LYZL4: variants seen among roughly 807,000 people sequenced by gnomAD.
LYZL4 encodes lysozyme-like protein 4.
Under a neutral mutation model 17.6 loss-of-function variants are expected in LYZL4, and 13 were observed. The ratio of observed to expected loss-of-function variants is 0.74; its 90% CI spans 0.48 to 1.18. The LOEUF (loss-of-function observed/expected upper bound fraction) is 1.18. Ranked by LOEUF, LYZL4 falls within the 50% of genes most tolerant of loss-of-function variation. The pLI, the probability that LYZL4 is intolerant of heterozygous loss-of-function variation, is 0.00. For synonymous variants in LYZL4, 64 were observed against 67.7 expected (o/e 0.95, Z 0.27); for missense variants, 174 against 188.2 (o/e 0.92, Z 0.44).
the LYZL4 span, among the ~76,000 whole-genome samples, chr3:42,387,586 G>A: frequency 7.2e-5 from 11 of 151,864 alleles, no homozygotes; most frequent in South Asian, 2.1e-4. Context: ...CCTCATCGCC[G>A]TCCCTGCTCC....
At chr3:42,384,361 G>T in the LYZL4 span, among the ~76,000 whole-genome samples, 152 of 152,182 alleles carry the variant, frequency 1.0e-3, no homozygotes, top group Non-Finnish European at 1.7e-3. Context: ...AGAAAGAAGG[G>T]ATAGGCTCTG....
chr3:42,408,528 T>C (rs1384202944), intron 1 of LYZL4, among the ~76,000 whole-genome samples: 1 of 152,182 alleles, frequency 6.6e-6, no homozygotes, highest in Non-Finnish European at 1.5e-5. Context: ...CCATTTTCCC[T>C]CTGAGCCCCT....
intron 4 of LYZL4, among the ~76,000 whole-genome samples, chr3:42,402,098 C>G (rs576871439): frequency 1.4e-3 from 200 of 139,822 alleles, no homozygotes; most frequent in Admixed American, 3.3e-3. Flanking sequence ...TACATTGTGA[C>G]TAAGAACTTC....
At chr3:42,379,062 C>G in the LYZL4 span, among the ~76,000 whole-genome samples, 1 of 152,072 alleles carries the variant, frequency 6.6e-6, no homozygotes, top group Non-Finnish European at 1.5e-5. Context: ...TGCTGCATAA[C>G]AAGCCACTCC....
At chr3:42,380,700 A>G in the LYZL4 span, among the ~76,000 whole-genome samples, 1 of 152,234 alleles carries the variant, frequency 6.6e-6, no homozygotes, top group Admixed American at 6.5e-5. Flanking sequence ...CTAAAAGAAC[A>G]GACATCTACA....
chr3:42,391,216 A>G, the LYZL4 span, among the ~76,000 whole-genome samples: 2 of 152,252 alleles, frequency 1.3e-5, no homozygotes, highest in African/African-American at 2.4e-5. Flanking sequence ...AATGAAACAT[A>G]TAACAGGTAT....
At chr3:42,388,711 T>C in the LYZL4 span, among the ~76,000 whole-genome samples, 1 of 152,260 alleles carries the variant, frequency 6.6e-6, no homozygotes, top group African/African-American at 2.4e-5. Flanking sequence ...TTATTTTTAA[T>C]GAGTGTCTGC....
At chr3:42,390,543 C>CTT in the LYZL4 span, among the ~76,000 whole-genome samples, 2 of 129,088 alleles carry the variant, frequency 1.5e-5, no homozygotes, top group African/African-American at 6.5e-5. Context: ...GCAGGAGCAG[C>CTT]TATTTTTTTT....
the LYZL4 span, among the ~76,000 whole-genome samples, chr3:42,379,728 C>T: frequency 6.6e-6 from 1 of 152,178 alleles, no homozygotes; most frequent in Non-Finnish European, 1.5e-5. Context: ...CTCAAAAAGA[C>T]AATCAGATTG....
intron 1 of LYZL4, among the ~76,000 whole-genome samples, chr3:42,408,715 C>T (rs1334524086): frequency 6.6e-6 from 1 of 152,210 alleles, no homozygotes; most frequent in African/African-American, 2.4e-5. Flanking sequence ...ATTGCACCCT[C>T]CTGTTTGTCA....
At chr3:42,376,288 G>A in the LYZL4 span, among the ~76,000 whole-genome samples, 1 of 152,170 alleles carries the variant, frequency 6.6e-6, no homozygotes, top group African/African-American at 2.4e-5. Flanking sequence ...CTGAAGGTGG[G>A]GAAGTAGAGG....
chr3:42,385,980 T>A, the LYZL4 span, among the ~76,000 whole-genome samples: 6 of 152,176 alleles, frequency 3.9e-5, no homozygotes, highest in Non-Finnish European at 8.8e-5. Context: ...TAGAGCTGTG[T>A]TCCTTCTGGA....
chr3:42,374,933 C>G, the LYZL4 span, among the ~76,000 whole-genome samples: 1 of 152,158 alleles, frequency 6.6e-6, no homozygotes, highest in East Asian at 1.9e-4. Flanking sequence ...CTCAGCTCCC[C>G]TGAGTGGCTG....
chr3:42,363,551 T>C, the LYZL4 span, among the ~76,000 whole-genome samples: 1 of 152,230 alleles, frequency 6.6e-6, no homozygotes, highest in African/African-American at 2.4e-5. Flanking sequence ...CTTTCAACTT[T>C]GCTGTGTATT....
intron 3 of LYZL4, 144 bp from the exon 4 acceptor site, chr3:42,404,268 A>T (rs1279875754): frequency 7.2e-5 from 40 of 558,048 alleles, no homozygotes. Context: ...TTTATTAGAC[A>T]ACCCTAAGGA....
chr3:42,390,503 G>A, the LYZL4 span, among the ~76,000 whole-genome samples: 1 of 151,820 alleles, frequency 6.6e-6, no homozygotes, highest in African/African-American at 2.4e-5. Flanking sequence ...CTTTGTGGCA[G>A]GTGGATTACA....
chr3:42,388,985 T>G, the LYZL4 span, among the ~76,000 whole-genome samples: 1 of 152,206 alleles, frequency 6.6e-6, no homozygotes, highest in Non-Finnish European at 1.5e-5. Context: ...CTTAGGCTGC[T>G]GAGGGACTGA....
At chr3:42,409,045 C>G (rs191020167) in intron 1 of LYZL4, among the ~76,000 whole-genome samples, 1 of 152,142 alleles carries the variant, frequency 6.6e-6, no homozygotes, top group Non-Finnish European at 1.5e-5. Flanking sequence ...GCAGACATGA[C>G]CAGTACACCA....
chr3:42,381,689 G>A, the LYZL4 span, among the ~76,000 whole-genome samples: 2 of 152,232 alleles, frequency 1.3e-5, no homozygotes, highest in East Asian at 3.8e-4. Context: ...TCATGGGAAA[G>A]GGTAAGCAAT....
Sources: allele counts gnomAD v4.1 joint callset (sites outside exome capture counted in the v4.1 genomes callset), GRCh38; gene constraint gnomAD v4.1.1; transcripts MANE v1.5; gene names NCBI Gene and HGNC (gene_info 2026-07-23, HGNC 2026-07-21).